TRAPPC4: variants seen among roughly 807,000 people sequenced by gnomAD.
TRAPPC4 encodes TRS23 homolog.
A neutral mutation model predicts 23.5 loss-of-function variants in TRAPPC4; 30 were observed. The observed-to-expected ratio is 1.28, with a 90% confidence interval of 0.96 to 1.73. The LOEUF (loss-of-function observed/expected upper bound fraction) is 1.73. Ranked by LOEUF, TRAPPC4 falls within the 40% of genes most tolerant of loss-of-function variation. TRAPPC4 has a pLI of 0.00. For missense variants in TRAPPC4, 252 were observed against 268.9 expected (o/e 0.94, Z 0.44); for synonymous variants, 129 against 105.3 (o/e 1.23, Z -1.38).
intron 4 of TRAPPC4, among the ~76,000 whole-genome samples, chr11:119,022,259 C>T (rs1215946386): frequency 1.3e-5 from 2 of 152,106 alleles, no homozygotes; most frequent in African/African-American, 2.4e-5. Context: ...GCTGGGATTA[C>T]AGGCGTGAGC....
rs1592093761 is a variant in TRAPPC4 at position 119,018,898 on chromosome 11, C to G, written c.103C>G (p.Pro35Ala). 6.2e-6 allele frequency: 10 copies of G among 1,614,126 alleles called. No individual in the cohort carries two copies. In the East Asian group the frequency reaches 2.2e-4, roughly 36 times the overall value. Residue 35 changes from proline to alanine, a missense_variant, in exon 1 of 5, where the codon CCG becomes GCG. By Grantham distance (27) the Pro-to-Ala change is conservative (BLOSUM62 -1). This residue lies in a region of TRAPPC4 where 222 missense variants were observed against 217.8 expected (regional missense o/e 1.02). Transcript: ENST00000533632. Reference sequence around the variant, plus strand: ...TGAGGCTGAGAAAACTTTCAGTTATCCGCTGGATCTGCTGCTCAAGCTACA... The same window carrying G: ...TGAGGCTGAGAAAACTTTCAGTTATGCGCTGGATCTGCTGCTCAAGCTACA... ...RAEAEKTFSY[P>A]LDLLLKLHDE...
chr11:119,021,573 T>G (rs1379691809), intron 3 of TRAPPC4, 187 bp from the exon 4 acceptor site: 1 of 561,826 alleles, frequency 1.8e-6, no homozygotes, highest in Non-Finnish European at 3.0e-6. Context: ...ATAACAAAGT[T>G]ACTTCACTTC....
At chr11:119,021,980 C>G in intron 4 of TRAPPC4, 94 bp downstream of exon 4, 1 of 1,471,918 alleles carries the variant, frequency 6.8e-7, no homozygotes, top group Non-Finnish European at 9.2e-7. Context: ...TAGAGTATTA[C>G]TTTTTTTGTT....
In TRAPPC4 at chr11:119,023,555, T is replaced by C. The variant is rs959194297; in HGVS notation, c.*156T>C. On this transcript the variant is annotated 3_prime_UTR_variant, in exon 5 of 5. Coordinates refer to ENST00000533632, the MANE Select transcript of TRAPPC4 (RefSeq NM_016146.6). ...TGTACTGATTCCTGAGCCTTAACAC[T>C]GTGCTCTTTCCTTCTGTATATACCA... 5.8e-5 allele frequency: 38 copies of C among 649,748 alleles called. 1 individual carries two copies. The highest frequency in any genetic ancestry group is 5.8e-4 in the African/African-American group (32 of 55,010). The allele number at this position is 649,748 out of a possible 1,614,324, so 40.2% of individuals were successfully genotyped here.
chr11:119,019,287 A>G lies in TRAPPC4; in HGVS notation c.320A>G (p.Glu107Gly), dbSNP rs1167453936. 17 of 1,614,064 alleles carry G rather than the reference A, an allele frequency of 1.1e-5. No homozygotes were observed. Among genetic ancestry groups the G allele is most frequent in the Non-Finnish European group, 1.4e-5 (17 of 1,179,928 alleles). The change falls in exon 2 of 5, where the codon GAG (glutamate) becomes GGG (glycine). Residue 107 changes from glutamate to glycine, a missense_variant. This residue lies in a region of TRAPPC4 where 222 missense variants were observed against 217.8 expected (regional missense o/e 1.02). Coordinates refer to ENST00000533632, the MANE Select transcript of TRAPPC4 (RefSeq NM_016146.6). ...GGCCGGCCCCGCCTCACTTCTAATG[A>G]GAAGCTTATGCTGGCCTCCATGTTC... is the stretch of plus-strand genomic sequence containing the variant. ...RFGRPRLTSN[E>G]KLMLASMFHS...
intron 4 of TRAPPC4, among the ~76,000 whole-genome samples, chr11:119,022,127 T>C (rs1219230500): frequency 6.6e-6 from 1 of 152,112 alleles, no homozygotes; most frequent in Non-Finnish European, 1.5e-5. Context: ...TGGGATTGGA[T>C]GCATGTGCCA....
chr11:119,020,329 G>C (rs1428239807), intron 3 of TRAPPC4, 76 bp downstream of exon 3: 1 of 1,251,314 alleles, frequency 8.0e-7, no homozygotes, highest in Admixed American at 1.9e-5. Flanking sequence ...TGCATCTCCA[G>C]GTGGGCCAGA....
chr11:119,019,361 A>C (rs782057309), intron 2 of TRAPPC4, 44 bp downstream of exon 2: 1 of 1,577,426 alleles, frequency 6.3e-7, no homozygotes, highest in East Asian at 2.3e-5. Flanking sequence ...TAATTTGTCT[A>C]CCTTTTCTTA....
chr11:119,021,756 C>A lies in TRAPPC4; in HGVS notation c.455-4C>A, dbSNP rs116886414. ...TTTGGTAACCATTCTTGGTCTCTCT[C>A]CAGGGATCAAGTTTGTGGTTCTAGC... On this transcript the variant is annotated splice_polypyrimidine_tract_variant and splice_region_variant and intron_variant, in intron 3 of 4. Coordinates refer to ENST00000533632, the MANE Select transcript of TRAPPC4 (RefSeq NM_016146.6). 2 of 1,613,844 alleles carry A rather than the reference C, an allele frequency of 1.2e-6. No individual in the cohort carries two copies. The highest frequency in any genetic ancestry group is 2.7e-5 in the African/African-American group (2 of 74,914).
intron 4 of TRAPPC4, 21 bp from the exon 5 acceptor site, chr11:119,023,300 C>T (rs782609778): frequency 5.0e-6 from 8 of 1,612,126 alleles, no homozygotes; most frequent in East Asian, 2.2e-5. Context: ...ACTTTTTTTC[C>T]TCACCCTGGG....
rs1359964387 is a variant in TRAPPC4, at chr11:119,023,513, T to A, written c.*114T>A. 4.1e-5 allele frequency: 39 copies of A among 948,752 alleles called. No homozygotes were observed. In the East Asian group the frequency reaches 9.6e-4, roughly 23 times the overall value. 58.8% of individuals were successfully genotyped at this position (948,752 alleles called of 1,614,324 possible). On this transcript the variant is annotated 3_prime_UTR_variant, in exon 5 of 5. Transcript: ENST00000533632. The stretch of plus-strand genomic sequence containing the variant: ...GTTAGTGCACTTGAAAGTGGGAGAA[T>A]GCTGACCCTGATGACTTGTACTGAT...
intron 2 of TRAPPC4, 138 bp downstream of exon 2, chr11:119,019,455 G>A: frequency 5.0e-6 from 5 of 992,800 alleles, no homozygotes; most frequent in Non-Finnish European, 7.2e-6. Flanking sequence ...ATCTTTTTTT[G>A]CTGGGTGGGG....
chr11:119,019,029 A>T, intron 1 of TRAPPC4, 59 bp downstream of exon 1: 1 of 1,593,292 alleles, frequency 6.3e-7, no homozygotes, highest in South Asian at 1.1e-5. Flanking sequence ...GTGCTGTAGA[A>T]GTGGGCTGGT....
chr11:119,021,748 GTC>G lies in TRAPPC4; in HGVS notation c.455-5_455-4del. ...GTCTACGCTTTGGTAACCATTCTTG[GTC>G]TCTCTCCAGGGATCAAGTTTGTGGT... On this transcript the variant is annotated splice_polypyrimidine_tract_variant and intron_variant, in intron 3 of 4. Transcript: ENST00000533632. 6.2e-7 allele frequency: 1 copy of G among 1,613,798 alleles called. No homozygotes were observed. The highest frequency in any genetic ancestry group is 8.5e-7 in the Non-Finnish European group (1 of 1,179,846).
chr11:119,023,023 G>A (rs1362858947), intron 4 of TRAPPC4: 3 of 141,412 alleles, frequency 2.1e-5, no homozygotes, highest in African/African-American at 8.7e-5. Flanking sequence ...GGAATGCAAT[G>A]GTGCCATCAC....
rs782291448 is a variant in TRAPPC4 at position 119,019,238 on chromosome 11, A to G, written c.271A>G (p.Asn91Asp). ...GCTGGAGTATCTGGGTAACCCTGCT[A>G]ATTACCCGGTGTCCATTCGATTTGG... ...EVLEYLGNPA[N>D]YPVSIRFGRP... is the part of the protein sequence containing the mutation. Residue 91 changes from asparagine to aspartate, a missense_variant, in exon 2 of 5, where the codon AAT (asparagine) becomes GAT (aspartate). This residue lies in a region of TRAPPC4 where 222 missense variants were observed against 217.8 expected (regional missense o/e 1.02). Coordinates refer to ENST00000533632, the MANE Select transcript of TRAPPC4 (RefSeq NM_016146.6). The G allele has an allele frequency of 5.0e-6, 8 of 1,614,056 alleles. No homozygotes were observed. The highest frequency in any genetic ancestry group is 1.7e-5 in the Admixed American group (1 of 60,008).
intron 4 of TRAPPC4, 52 bp downstream of exon 4, chr11:119,021,938 G>T (rs1488174732): frequency 6.2e-7 from 1 of 1,601,722 alleles, no homozygotes. Context: ...GCCCCTCCCT[G>T]TGTGCTCTGT....
At position 119,018,915 on chromosome 11, in the gene TRAPPC4, C is replaced by G. The variant is rs781877814; in HGVS notation, c.120C>G (p.Leu40=). Reference sequence around the variant, plus strand: ...TCAGTTATCCGCTGGATCTGCTGCTCAAGCTACACGATGAGCGTGTGTTGG... The same window carrying G: ...TCAGTTATCCGCTGGATCTGCTGCTGAAGCTACACGATGAGCGTGTGTTGG... ...KTFSYPLDLL[L]KLHDERVLVA... Residue 40 remains leucine (L), a synonymous_variant, in exon 1 of 5, where the codon CTC becomes CTG. Transcript: ENST00000533632. The G allele has an allele frequency of 3.7e-6, 6 of 1,613,844 alleles. No individual in the cohort carries two copies. The African/African-American group carries it at 5.3e-5, about 14-fold the overall frequency.
chr11:119,021,910 A>G (rs571537225), intron 4 of TRAPPC4, 24 bp downstream of exon 4: 1 of 1,613,678 alleles, frequency 6.2e-7, no homozygotes, highest in South Asian at 1.1e-5. Flanking sequence ...CTTCCCAGAT[A>G]CTGTTTAAAG....
Sources: gnomAD v4.1 joint callset for allele counts (sites outside exome capture counted in the v4.1 genomes callset) on GRCh38, gnomAD v4.1.1 for gene constraint, gnomAD v4.1.1 regional missense constraint, MANE v1.5 for transcripts, NCBI Gene and HGNC (gene_info 2026-07-23, HGNC 2026-07-21) for gene names.